Variants in TGM2 observed in about 807,000 individuals in gnomAD.
TGM2 encodes protein-glutamine gamma-glutamyltransferase 2.
Under a neutral mutation model 75.6 loss-of-function variants are expected in TGM2, and 53 were observed. The ratio of observed to expected loss-of-function variants is 0.70; its 90% CI spans 0.56 to 0.88. The LOEUF (loss-of-function observed/expected upper bound fraction) is 0.88, where lower values mean the gene tolerates loss of function less well. Among genes scored for constraint, TGM2 ranks in the 40% least tolerant of loss-of-function variants. TGM2 has a pLI of 0.00. For missense variants in TGM2, 842 were observed against 928.5 expected (o/e 0.91, Z 1.21); for synonymous variants, 374 against 381.1 (o/e 0.98, Z 0.22).
intron 9 of TGM2, 54 bp from the exon 10 acceptor site, chr20:38,138,439 G>A: frequency 6.2e-7 from 1 of 1,611,282 alleles, no homozygotes; most frequent in African/African-American, 1.3e-5. Context: ...TCACAGGAAG[G>A]GGGCTGCAAC....
chr20:38,140,598 G>A (rs951150761), intron 8 of TGM2, among the ~76,000 whole-genome samples: 7 of 152,282 alleles, frequency 4.6e-5, no homozygotes, highest in South Asian at 2.1e-4. Context: ...AACCACAGGC[G>A]TGGTCATTAC....
intron 1 of TGM2, among the ~76,000 whole-genome samples, chr20:38,164,123 G>A (rs2075285197): frequency 6.6e-6 from 1 of 152,190 alleles, no homozygotes; most frequent in African/African-American, 2.4e-5. Flanking sequence ...TTGAGCATGG[G>A]GGTGAGAAGA....
chr20:38,143,021 G>T (rs1403689730), intron 6 of TGM2, among the ~76,000 whole-genome samples: 2 of 152,262 alleles, frequency 1.3e-5, no homozygotes, highest in Non-Finnish European at 2.9e-5. Flanking sequence ...ACAGGCATGT[G>T]AGGGATTCTT....
chr20:38,135,328 C>G (rs946448891), intron 10 of TGM2, among the ~76,000 whole-genome samples: 1 of 151,996 alleles, frequency 6.6e-6, no homozygotes, highest in African/African-American at 2.4e-5. Context: ...GACTGGGTCT[C>G]CAATGTCAAG....
intron 4 of TGM2, among the ~76,000 whole-genome samples, chr20:38,149,713 G>GAAAAAAAAAAAA: frequency 7.2e-6 from 1 of 138,614 alleles, no homozygotes; most frequent in South Asian, 2.2e-4. Context: ...AGGACCCTGG[G>GAAAAAAAAAAAA]AAATAAAGGA....
rs569043560 is a variant in TGM2, at chr20:38,151,182, A to G, written c.434-125T>C. ...CGTCTCAGGGATCCATCCTTCTTTTAATTAGAAAAAGTAACCATTAATGAA... is the reference window on the plus strand; with the variant it reads ...CGTCTCAGGGATCCATCCTTCTTTTGATTAGAAAAAGTAACCATTAATGAA... On this transcript the variant is annotated intron_variant, in intron 3 of 12. Transcript: ENST00000361475. 3 of 743,594 alleles carry G rather than the reference A, an allele frequency of 4.0e-6. No homozygotes were observed. In the Admixed American group the frequency reaches 5.6e-5, roughly 14 times the overall value. 46.1% of individuals were successfully genotyped at this position (743,594 alleles called of 1,614,324 possible).
At chr20:38,141,231 C>A (rs2074968138) in intron 8 of TGM2, 51 bp downstream of exon 8, 1 of 1,476,632 alleles carries the variant, frequency 6.8e-7, no homozygotes. Flanking sequence ...CTTTAACTCT[C>A]CAAGCCTCGT....
At chr20:38,149,415 C>T (rs563897127) in intron 4 of TGM2, among the ~76,000 whole-genome samples, 3 of 152,264 alleles carry the variant, frequency 2.0e-5, no homozygotes, top group Non-Finnish European at 4.4e-5. Flanking sequence ...CGGTGGCTCA[C>T]GCCTGTAATC....
rs1303436366 is a variant in TGM2, at chr20:38,146,700, C to T, written c.859+17G>A. The T allele has an allele frequency of 1.9e-6, 3 of 1,612,886 alleles. No individual in the cohort carries two copies. Among genetic ancestry groups the T allele is most frequent in the Non-Finnish European group, 2.5e-6 (3 of 1,179,636 alleles). On this transcript the variant is annotated intron_variant, in intron 6 of 12. Transcript: ENST00000361475. Reference sequence around the variant, plus strand: ...CCCTCCCAGGGCTCATGACCCACATCCCAGCGTGCAGCTCACCTGTGCAGG... The same window carrying T: ...CCCTCCCAGGGCTCATGACCCACATTCCAGCGTGCAGCTCACCTGTGCAGG...
In TGM2 at chr20:38,155,965, G is replaced by A. The variant is rs1474602734; in HGVS notation, c.315C>T (p.Thr105=). 1.2e-6 allele frequency: 2 copies of A among 1,613,024 alleles called. No homozygotes were observed. Among genetic ancestry groups the A allele is most frequent in the Non-Finnish European group, 1.7e-6 (2 of 1,179,726 alleles). Residue 105 remains threonine (T), a synonymous_variant, in exon 3 of 13, where the codon ACC becomes ACT. Transcript: ENST00000361475. ...GGCCGATGGGGGCGTTGGCCGGGGT[G>A]GTGAGCTGCAGCGAGAGGGTGCAGT... The part of the protein sequence containing the change: ...QQDCTLSLQL[T]TPANAPIGLY...
chr20:38,146,936 G>C, intron 5 of TGM2, 42 bp from the exon 6 acceptor site: 3 of 1,597,626 alleles, frequency 1.9e-6, no homozygotes, highest in Non-Finnish European at 2.6e-6. Context: ...CCTGGGATGG[G>C]GTGTCGGCTG....
Position 38,142,172 on chromosome 20 carries a change from C to T in TGM2, c.887G>A (p.Arg296His), listed in dbSNP as rs780860226. Residue 296 changes from arginine (R) to histidine (H), a missense_variant, in exon 7 of 13, where the codon CGC becomes CAC. Arg to His is a conservative substitution (Grantham distance 29). Coordinates refer to ENST00000361475, the MANE Select transcript of TGM2 (RefSeq NM_004613.4). ...GGCCGAGTTGTAGTTGGTCACGACG[C>T]GGGTAGGGATGCCCAGGCACCTCAG... ...TVLRCLGIPT[R>H]VVTNYNSAHD... is the part of the protein sequence containing the mutation. 27 of 1,614,202 alleles carry T rather than the reference C, an allele frequency of 1.7e-5. No homozygotes were observed. Among genetic ancestry groups the T allele is most frequent in the Non-Finnish European group, 1.8e-5 (21 of 1,180,040 alleles).
At chr20:38,142,979 G>A (rs373532737) in intron 6 of TGM2, among the ~76,000 whole-genome samples, 9 of 152,254 alleles carry the variant, frequency 5.9e-5, no homozygotes, top group African/African-American at 2.2e-4. Context: ...TGCATTCATA[G>A]CACGGCTGGA....
In TGM2 at chr20:38,133,217, G is replaced by A. The variant is rs1386107632; in HGVS notation, c.1616-717C>T. The A allele has an allele frequency of 1.2e-4, 28 of 226,148 alleles. No individual in the cohort carries two copies. In the Admixed American group the frequency reaches 1.2e-3, roughly 10 times the overall value. 14.0% of individuals were successfully genotyped at this position (226,148 alleles called of 1,614,324 possible). On this transcript the variant is annotated intron_variant, in intron 10 of 12. Coordinates refer to ENST00000361475, the MANE Select transcript of TGM2 (RefSeq NM_004613.4). The stretch of plus-strand genomic sequence containing the variant: ...AAGGTCATTTCCCTCCACGAGGCTC[G>A]TGATGCTGTACCCGTTGCACAGATG...
At chr20:38,148,637 G>A (rs772904531) in intron 4 of TGM2, among the ~76,000 whole-genome samples, 1 of 152,086 alleles carries the variant, frequency 6.6e-6, no homozygotes, top group Non-Finnish European at 1.5e-5. Flanking sequence ...AGACTTCACC[G>A]TGCAAACTTC....
chr20:38,145,734 C>T (rs2075035619), intron 6 of TGM2: 1 of 150,654 alleles, frequency 6.6e-6, no homozygotes, highest in African/African-American at 2.4e-5. Flanking sequence ...TGAACCCAGG[C>T]CTTGACTTCA....
At chr20:38,136,088 TACCA>T (rs1268694694) in intron 10 of TGM2, among the ~76,000 whole-genome samples, 1 of 152,188 alleles carries the variant, frequency 6.6e-6, no homozygotes, top group African/African-American at 2.4e-5. Context: ...CCTGTCCTGG[TACCA>T]AGAGGATCTG....
intron 3 of TGM2, among the ~76,000 whole-genome samples, chr20:38,155,594 C>T (rs1475582966): frequency 3.3e-5 from 5 of 152,160 alleles, no homozygotes; most frequent in African/African-American, 9.7e-5. Flanking sequence ...GTGATTCTCC[C>T]TCCTCAGCCT....
At chr20:38,153,554 T>C (rs1415746807) in intron 3 of TGM2, among the ~76,000 whole-genome samples, 3 of 99,116 alleles carry the variant, frequency 3.0e-5, no homozygotes, top group African/African-American at 1.7e-4. Context: ...AAAGAATGAA[T>C]GAGCAGATGT....
Sources: gnomAD v4.1 joint callset for allele counts (sites outside exome capture counted in the v4.1 genomes callset) on GRCh38, gnomAD v4.1.1 for gene constraint, MANE v1.5 for transcripts, NCBI Gene and HGNC (gene_info 2026-07-23, HGNC 2026-07-21) for gene names.